Variants in PKM observed in about 807,000 individuals in gnomAD.
PKM encodes pyruvate kinase PKM.
PKM carries 18 observed loss-of-function variants against 49.8 expected under a neutral mutation model. That is an observed-to-expected ratio of 0.36 (90% CI 0.25 to 0.54). The LOEUF (loss-of-function observed/expected upper bound fraction) is 0.54. PKM is among the 20% of genes least tolerant of loss of function. The pLI, the probability that PKM is intolerant of heterozygous loss-of-function variation, is 0.89. For missense variants in PKM, 508 were observed against 713.8 expected (o/e 0.71, Z 3.28); for synonymous variants, 239 against 261.8 (o/e 0.91, Z 0.84).
intron 6 of PKM, 134 bp from the exon 7 acceptor site, chr15:72,207,411 G>T: frequency 1.2e-6 from 1 of 816,516 alleles, no homozygotes; most frequent in Non-Finnish European, 2.1e-6. Context: ...ATATCATCAT[G>T]GGTGCACACA....
chr15:72,227,752 AAAAAAAAAAAAAAAAAAAAAAAC>A (rs1328652366), intron 1 of PKM, among the ~76,000 whole-genome samples: 4 of 127,920 alleles, frequency 3.1e-5, no homozygotes, highest in African/African-American at 6.7e-5. Context: ...CTCAAAAAAA[AAAAAAAAAAAAAAAAAAAAAAAC>A]AAAAAACTGA....
intron 1 of PKM, 58 bp downstream of exon 1, chr15:72,231,058 C>A: frequency 1.2e-6 from 1 of 835,606 alleles, no homozygotes; most frequent in Non-Finnish European, 1.7e-6. Context: ...GGATTCCGCA[C>A]TAGCCGGGCG....
chr15:72,211,230 G>A (rs368989446), intron 3 of PKM, among the ~76,000 whole-genome samples: 1 of 151,990 alleles, frequency 6.6e-6, no homozygotes, highest in East Asian at 1.9e-4. Flanking sequence ...ACCACGCCTG[G>A]CTAACTTCTT....
chr15:72,200,371 T>C lies in PKM; in HGVS notation c.1489+103A>G, dbSNP rs139782366. On this transcript the variant is annotated intron_variant, in intron 10 of 10. Transcript: ENST00000335181. This position sits in a 1 kb window ranked among gnomAD's most constrained non-coding sequence, Gnocchi z 4.6. The stretch of plus-strand genomic sequence containing the variant: ...GGGCCTTTTGCCCCACTAAGGTCTG[T>C]GTGTTCCCCTTTCTATTCCCCAAAC... 342 of 1,036,790 alleles carry C rather than the reference T, an allele frequency of 3.3e-4. 1 individual carries two copies. In the African/African-American group the frequency reaches 4.3e-3, roughly 13 times the overall value. 64.2% of individuals were successfully genotyped at this position (1,036,790 alleles called of 1,614,324 possible).
chr15:72,211,781 C>A (rs1373472847), intron 3 of PKM, among the ~76,000 whole-genome samples: 1 of 151,014 alleles, frequency 6.6e-6, no homozygotes, highest in East Asian at 1.9e-4. Context: ...TGCACTCCGG[C>A]CTGGATAACA....
Position 72,202,974 on chromosome 15 carries a change from G to T in PKM, c.1141-354C>A, listed in dbSNP as rs1257303212. Reference sequence around the variant, plus strand: ...GCTGTCTTCTCCTAGAGCAGGTGGAGCAAGAGGCTGGTTATCCTAACAGTG... The same window carrying T: ...GCTGTCTTCTCCTAGAGCAGGTGGATCAAGAGGCTGGTTATCCTAACAGTG... On this transcript the variant is annotated intron_variant, in intron 8 of 10. Transcript: ENST00000335181. This position sits in a 1 kb window ranked among gnomAD's most constrained non-coding sequence, Gnocchi z 4.5. The T allele has an allele frequency of 1.9e-6, 3 of 1,580,308 alleles. No individual in the cohort carries two copies. Among genetic ancestry groups the T allele is most frequent in the Non-Finnish European group, 8.7e-7 (1 of 1,151,676 alleles).
chr15:72,206,447 T>G (rs549152197), intron 8 of PKM: 119 of 478,462 alleles, frequency 2.5e-4, no homozygotes, highest in African/African-American at 2.1e-3. Flanking sequence ...ATTCACAACC[T>G]TGAAGTCAGA....
rs757004105 is a variant in PKM at position 72,208,911 on chromosome 15, T to A, written c.566-20A>T. The A allele has an allele frequency of 6.2e-7, 1 of 1,610,658 alleles. No homozygotes were observed. Among genetic ancestry groups the A allele is most frequent in the Non-Finnish European group, 8.5e-7 (1 of 1,178,306 alleles). ...CGGCACCTGTATGAAAAAGGGTAAG[T>A]AGGGGAGGCAGAGCACGAGGGCACA... On this transcript the variant is annotated intron_variant, in intron 5 of 10. Coordinates refer to ENST00000335181, the MANE Select transcript of PKM (RefSeq NM_002654.6).
At chr15:72,228,948 C>A (rs2082764658) in intron 1 of PKM, among the ~76,000 whole-genome samples, 1 of 152,196 alleles carries the variant, frequency 6.6e-6, no homozygotes, top group Non-Finnish European at 1.5e-5. Flanking sequence ...CTTAACTCAG[C>A]CCCTCCTTGC....
In PKM at chr15:72,210,604, T is replaced by G. The variant is rs896251940; in HGVS notation, c.247-126A>C. The G allele has an allele frequency of 5.1e-5, 52 of 1,028,060 alleles. No individual in the cohort carries two copies. In the African/African-American group the frequency reaches 5.9e-4, roughly 12 times the overall value. The allele number at this position is 1,028,060 out of a possible 1,614,324, so 63.7% of individuals were successfully genotyped here. A position where few individuals can be genotyped will look rare whatever the true frequency, so the allele number is the denominator to read the frequency against. On this transcript the variant is annotated intron_variant, in intron 3 of 10. Transcript: ENST00000335181. The stretch of plus-strand genomic sequence containing the variant: ...TGGATGTCTTAGAGCTCTATCTCCA[T>G]CCTCAGCACGATCCATGCACTGAGA...
At chr15:72,224,629 G>C (rs921991622) in intron 1 of PKM, among the ~76,000 whole-genome samples, 1 of 152,124 alleles carries the variant, frequency 6.6e-6, no homozygotes, top group African/African-American at 2.4e-5. Flanking sequence ...TTGAAAGGCT[G>C]AGGCGGGCAG....
chr15:72,223,192 C>T (rs2082572712), intron 1 of PKM, among the ~76,000 whole-genome samples: 1 of 152,012 alleles, frequency 6.6e-6, no homozygotes, highest in East Asian at 1.9e-4. Context: ...TGCTCCACTT[C>T]TTAGGGCCAG....
At chr15:72,215,669 T>C (rs2082361658) in intron 3 of PKM, among the ~76,000 whole-genome samples, 1 of 152,188 alleles carries the variant, frequency 6.6e-6, no homozygotes, top group Non-Finnish European at 1.5e-5. Context: ...GCCCTTGCCA[T>C]GTTAGAGCTA....
At chr15:72,230,058 C>A (rs1043163641) in intron 1 of PKM, among the ~76,000 whole-genome samples, 3 of 152,208 alleles carry the variant, frequency 2.0e-5, no homozygotes, top group Non-Finnish European at 4.4e-5. Context: ...CCCGGTGAAG[C>A]GGGGTGGGCC....
chr15:72,207,419 A>C (rs2082114178), intron 6 of PKM, 142 bp from the exon 7 acceptor site: 10 of 783,356 alleles, frequency 1.3e-5, no homozygotes, highest in South Asian at 9.0e-5. Flanking sequence ...ATGGGTGCAC[A>C]CAGATGGCAA....
chr15:72,214,948 C>T (rs1045193487), intron 3 of PKM, among the ~76,000 whole-genome samples: 10 of 152,234 alleles, frequency 6.6e-5, no homozygotes, highest in African/African-American at 2.4e-4. Context: ...CGTGGTGGCT[C>T]ACGCCTTTAG....
rs767543007 is a variant in PKM, at chr15:72,210,353, G to A, written c.372C>T (p.Ile124=). The A allele has an allele frequency of 2.5e-6, 4 of 1,614,066 alleles. No homozygotes were observed. Among genetic ancestry groups the A allele is most frequent in the Non-Finnish European group, 2.5e-6 (3 of 1,179,980 alleles). ...CTCTCCGCAGAATACTCACGCCCTTGATGAGCCCAGTTCGGATCTCAGGTC... is the reference window on the plus strand; with the variant it reads ...CTCTCCGCAGAATACTCACGCCCTTAATGAGCCCAGTTCGGATCTCAGGTC... ...TKGPEIRTGL[I]KGSGTAEVEL... is the part of the protein sequence containing the mutation. Residue 124 remains isoleucine, a synonymous_variant, in exon 4 of 11, where the codon ATC becomes ATT. Coordinates refer to ENST00000335181, the MANE Select transcript of PKM (RefSeq NM_002654.6).
intron 1 of PKM, among the ~76,000 whole-genome samples, chr15:72,220,497 T>A (rs2082493911): frequency 6.6e-6 from 1 of 152,328 alleles, no homozygotes; most frequent in Non-Finnish European, 1.5e-5. Context: ...CTGTTGGCTA[T>A]GGAAAACTGA....
At chr15:72,212,502 T>G (rs993234874) in intron 3 of PKM, among the ~76,000 whole-genome samples, 4 of 149,800 alleles carry the variant, frequency 2.7e-5, no homozygotes, top group Middle Eastern at 6.9e-3. Context: ...AAAAAAAGAA[T>G]AGTAATAGTT....
Sources: allele counts gnomAD v4.1 joint callset (sites outside exome capture counted in the v4.1 genomes callset), GRCh38; gene constraint gnomAD v4.1.1; non-coding constraint Gnocchi (gnomAD v3.1); transcripts MANE v1.5; gene names NCBI Gene and HGNC (gene_info 2026-07-23, HGNC 2026-07-21).